The following MYO5B variants were observed in gnomAD, a reference collection of about 807,000 sequenced individuals.
MYO5B encodes the protein unconventional myosin-Vb.
In MYO5B, 143 loss-of-function variants were observed where a neutral mutation model predicts 229.3. The ratio of observed to expected loss-of-function variants is 0.62; its 90% CI spans 0.54 to 0.72. The LOEUF (loss-of-function observed/expected upper bound fraction) is 0.72, where lower values mean the gene tolerates loss of function less well. MYO5B is among the 30% of genes least tolerant of loss of function. The pLI is 0.00. For synonymous variants in MYO5B, 918 were observed against 885.2 expected (o/e 1.04, Z -0.66); for missense variants, 2,321 against 2,331.0 (o/e 1.00, Z 0.09).
At chr18:50,077,106 C>T (rs1374822256) in intron 1 of MYO5B, among the ~76,000 whole-genome samples, 1 of 114,694 alleles carries the variant, frequency 8.7e-6, no homozygotes. Flanking sequence ...TTTTAAGAAA[C>T]AGAATGGGGA....
At chr18:49,937,806 G>A (rs1049682834) in intron 14 of MYO5B, among the ~76,000 whole-genome samples, 2 of 152,064 alleles carry the variant, frequency 1.3e-5, no homozygotes, top group African/African-American at 2.4e-5. Context: ...TTGGTTGCTA[G>A]GGGTTGGGGG....
chr18:49,910,329 C>A (rs1007246791), intron 18 of MYO5B, among the ~76,000 whole-genome samples: 1 of 152,076 alleles, frequency 6.6e-6, no homozygotes, highest in Non-Finnish European at 1.5e-5. Context: ...AGAAATCCAG[C>A]GAAGGAACAG....
Position 50,055,346 on chromosome 18 carries a change from C to T in MYO5B, c.60G>A (p.Glu20=). The T allele has an allele frequency of 6.2e-7, 1 of 1,613,588 alleles. No individual in the cohort carries two copies. Among genetic ancestry groups the T allele is most frequent in the South Asian group, 1.1e-5 (1 of 91,070 alleles). ...CTRVWIPDPD[E]VWRSAELTKD... is the part of the protein sequence containing the mutation. ...TGGTTAACTCAGCTGAGCGCCATAC[C>T]TCATCAGGGTCAGGGATCCAGACCC... The change falls in exon 2 of 40, where the codon GAG becomes GAA. Residue 20 remains glutamate, a synonymous_variant. Transcript: ENST00000285039.
chr18:49,875,355 T>C (rs768509423), intron 26 of MYO5B, among the ~76,000 whole-genome samples: 2 of 152,136 alleles, frequency 1.3e-5, no homozygotes, highest in African/African-American at 4.8e-5. Context: ...CTGTGTACAT[T>C]TGACTTCTGC....
At chr18:49,988,393 T>C (rs891622063) in intron 7 of MYO5B, among the ~76,000 whole-genome samples, 3 of 152,110 alleles carry the variant, frequency 2.0e-5, no homozygotes, top group Admixed American at 6.5e-5. Context: ...AGAGGGCACA[T>C]GAAGGTGAAA....
Position 49,974,585 on chromosome 18 carries a change from G to A in MYO5B, c.1087C>T (p.Arg363Ter), listed in dbSNP as rs1239739885. 11 of 1,614,032 alleles carry A rather than the reference G, an allele frequency of 6.8e-6. No homozygotes were observed. Among genetic ancestry groups the A allele is most frequent in the Middle Eastern group, 1.6e-4 (1 of 6,062 alleles). ...PQDVYLSNFC[R>*]LLGVEHSQME... The stretch of plus-strand genomic sequence containing the variant: ...TGACTGTGCTCCACCCCTAGCAGTC[G>A]GCAGAAGTTGCTTAGGTATACATCC... The change falls in exon 10 of 40, where the codon CGA (arginine) becomes TGA (stop). Residue 363 changes from arginine to a stop codon, truncating the protein, a stop_gained. Transcript: ENST00000285039. LOFTEE classifies it high-confidence loss of function.
intron 7 of MYO5B, among the ~76,000 whole-genome samples, chr18:49,989,788 T>C (rs904046068): frequency 6.6e-6 from 1 of 152,232 alleles, no homozygotes; most frequent in African/African-American, 2.4e-5. Flanking sequence ...ATGGGGATGA[T>C]GACAAAGTGC....
At chr18:49,848,114 G>A (rs981997767) in intron 32 of MYO5B, among the ~76,000 whole-genome samples, 25 of 152,224 alleles carry the variant, frequency 1.6e-4, no homozygotes. Context: ...TCCTAAGCAC[G>A]GGAACAGATA....
intron 1 of MYO5B, among the ~76,000 whole-genome samples, chr18:50,179,585 C>T (rs2033044075): frequency 6.6e-6 from 1 of 152,162 alleles, no homozygotes; most frequent in Admixed American, 6.5e-5. Flanking sequence ...ATTAAAACCA[C>T]ACAGCAGAGG....
chr18:50,194,811 G>A lies in MYO5B; in HGVS notation c.-18C>T, dbSNP rs971764026. 10 of 1,334,620 alleles carry A rather than the reference G, an allele frequency of 7.5e-6. No individual in the cohort carries two copies. The highest frequency in any genetic ancestry group is 3.7e-5 in the Admixed American group (1 of 26,844). 82.7% of individuals were successfully genotyped at this position (1,334,620 alleles called of 1,614,324 possible). On this transcript the variant is annotated 5_prime_UTR_variant, in exon 1 of 40. Transcript: ENST00000285039. ...ACCGACATGGCCCGGGCCGGGCGGG[G>A]CTCGGGCCCCGGCTCCTGGCTGCCC...
intron 1 of MYO5B, among the ~76,000 whole-genome samples, chr18:50,068,578 G>A (rs1165302682): frequency 6.6e-6 from 1 of 152,208 alleles, no homozygotes; most frequent in East Asian, 1.9e-4. Context: ...CAGAATGAAA[G>A]AAAAGGAAGC....
At chr18:50,115,541 C>CACAG (rs1467282441) in intron 1 of MYO5B, among the ~76,000 whole-genome samples, 5 of 65,512 alleles carry the variant, frequency 7.6e-5, no homozygotes, top group African/African-American at 1.2e-4. Context: ...CACACACACA[C>CACAG]AGAGAGACAC....
chr18:50,173,472 G>A (rs1033341470), intron 1 of MYO5B, among the ~76,000 whole-genome samples: 11 of 152,136 alleles, frequency 7.2e-5, no homozygotes, highest in Non-Finnish European at 1.5e-4. Flanking sequence ...CCCAACTGAC[G>A]TTACATTGAT....
At position 49,986,230 on chromosome 18, in the gene MYO5B, C is replaced by T. The variant is rs1013599217; in HGVS notation, c.839-1405G>A. ...ATGCATCAGCTCTTCCCTCTGTCCACGCCTTCAGTGGTCTCTGCCTACCTC... is the reference window on the plus strand; with the variant it reads ...ATGCATCAGCTCTTCCCTCTGTCCATGCCTTCAGTGGTCTCTGCCTACCTC... On this transcript the variant is annotated intron_variant, in intron 7 of 39. Transcript: ENST00000285039. Among the ~76,000 whole-genome samples the T allele has an allele frequency of 5.9e-5, 9 of 152,312 alleles. No individual in the cohort carries two copies. The East Asian group carries it at 7.7e-4, about 13-fold the overall frequency.
chr18:49,933,704 A>G (rs536002036), intron 16 of MYO5B, among the ~76,000 whole-genome samples: 1 of 152,312 alleles, frequency 6.6e-6, no homozygotes, highest in African/African-American at 2.4e-5. Context: ...TGCCCCAGCA[A>G]AGAATTCTCT....
intron 12 of MYO5B, among the ~76,000 whole-genome samples, chr18:49,958,839 C>T (rs1487109878): frequency 6.6e-6 from 1 of 152,176 alleles, no homozygotes. Flanking sequence ...TCCTGCCTGG[C>T]CTACCACATG....
intron 11 of MYO5B, 85 bp downstream of exon 11, chr18:49,962,864 C>T: frequency 1.7e-6 from 2 of 1,194,134 alleles, no homozygotes; most frequent in Non-Finnish European, 2.5e-6. Context: ...GCCCACCCAC[C>T]TCAGAGGAAG....
At chr18:50,194,426 C>A (rs912088172) in intron 1 of MYO5B, among the ~76,000 whole-genome samples, 1 of 152,188 alleles carries the variant, frequency 6.6e-6, no homozygotes, top group South Asian at 2.1e-4. Flanking sequence ...CTGGCAGGGT[C>A]GCCCTGCCGT....
rs555816148 is a variant in MYO5B, at chr18:50,116,188, G to C, written c.28-60810C>G. Among the ~76,000 whole-genome samples the C allele has an allele frequency of 2.2e-4, 33 of 152,282 alleles. 1 individual carries two copies. In the South Asian group the frequency reaches 6.9e-3, roughly 32 times the overall value. On this transcript the variant is annotated intron_variant, in intron 1 of 39. Coordinates refer to ENST00000285039, the MANE Select transcript of MYO5B (RefSeq NM_001080467.3). ...AATAGACCAAAGTTTTCGGCCATGG[G>C]CATGGCTACTTATCTTTCACCATCA...
Sources: gnomAD v4.1 joint callset for allele counts (sites outside exome capture counted in the v4.1 genomes callset) on GRCh38, gnomAD v4.1.1 for gene constraint, MANE v1.5 for transcripts, NCBI Gene and HGNC (gene_info 2026-07-23, HGNC 2026-07-21) for gene names.